The following CCNA2 variants were observed in gnomAD, a reference collection of about 807,000 sequenced individuals.
CCNA2 encodes the protein cyclin-A2.
A neutral mutation model predicts 49.4 loss-of-function variants in CCNA2; 3 were observed. The observed-to-expected ratio is 0.06, with a 90% CI of 0.03 to 0.16. CCNA2 has a LOEUF of 0.16. Among genes scored for constraint, CCNA2 ranks in the 10% least tolerant of loss-of-function variants. CCNA2 has a pLI of 1.00. For synonymous variants in CCNA2, 206 were observed against 197.2 expected (o/e 1.04, Z -0.37); for missense variants, 372 against 519.7 (o/e 0.72, Z 2.76).
intron 2 of CCNA2, among the ~76,000 whole-genome samples, chr4:121,821,391 G>A (rs1724689482): frequency 1.3e-5 from 2 of 151,770 alleles, no homozygotes; most frequent in Admixed American, 6.6e-5. Flanking sequence ...ACAGAAAGGA[G>A]CAAATGGCAT....
At position 121,820,122 on chromosome 4, in the gene CCNA2, G is replaced by A. The variant is rs1023112000; in HGVS notation, c.794+420C>T. Among the ~76,000 whole-genome samples, 1 of 151,764 alleles carries A rather than the reference G, an allele frequency of 6.6e-6. No individual in the cohort carries two copies. Among genetic ancestry groups the A allele is most frequent in the African/African-American group, 2.4e-5 (1 of 41,354 alleles). ...TGCCCAGCTAATTTTTGTATTTTTA[G>A]TAGAGACAGGGTTTCGCCATGATGG... On this transcript the variant is annotated intron_variant, in intron 4 of 7. Coordinates refer to ENST00000274026, the MANE Select transcript of CCNA2 (RefSeq NM_001237.5). This position sits in a 1 kb window ranked among gnomAD's most constrained non-coding sequence, Gnocchi z 4.1.
At chr4:121,819,886 A>G (rs1274941557) in intron 4 of CCNA2, among the ~76,000 whole-genome samples, 1 of 151,936 alleles carries the variant, frequency 6.6e-6, no homozygotes, top group Non-Finnish European at 1.5e-5. Flanking sequence ...TAGGAAATAC[A>G]AGTCTTAGGA....
At position 121,820,877 on chromosome 4, in the gene CCNA2, T is replaced by C. The variant is rs2149042766; in HGVS notation, c.570+102A>G. On this transcript the variant is annotated intron_variant, in intron 3 of 7. Transcript: ENST00000274026. This position sits in a 1 kb window ranked among gnomAD's most constrained non-coding sequence, Gnocchi z 4.1. ...CATGCTATAAACTTAACTGTAGCATTAGAATAATTCATTAGTTTAAAAATT... is the reference window on the plus strand; with the variant it reads ...CATGCTATAAACTTAACTGTAGCATCAGAATAATTCATTAGTTTAAAAATT... 7.9e-7 allele frequency: 1 copy of C among 1,264,966 alleles called. No homozygotes were observed. The highest frequency in any genetic ancestry group is 1.1e-6 in the Non-Finnish European group (1 of 887,712). 78.4% of individuals were successfully genotyped at this position (1,264,966 alleles called of 1,614,324 possible).
chr4:121,818,726 G>T, intron 6 of CCNA2, 74 bp downstream of exon 6: 2 of 951,122 alleles, frequency 2.1e-6, no homozygotes, highest in Non-Finnish European at 3.4e-6. Context: ...CCTCAGTTTT[G>T]TAGGACAATT....
In CCNA2 at chr4:121,816,835, AAAG is replaced by A. The variant is rs745543259; in HGVS notation, c.*800_*802del. Reference sequence around the variant, plus strand: ...GTAAAAAGCCAGTGAAAAGAAGAAAAAAGAAGAGAGCTGCCAATTAAAGCTAAC... The same window carrying A: ...GTAAAAAGCCAGTGAAAAGAAGAAAAAAGAGAGCTGCCAATTAAAGCTAAC... On this transcript the variant is annotated 3_prime_UTR_variant, in exon 8 of 8. Transcript: ENST00000274026. The A allele has an allele frequency of 2.4e-5, 39 of 1,596,300 alleles. No homozygotes were observed. The African/African-American group carries it at 2.7e-4, about 11-fold the overall frequency.
At position 121,823,727 on chromosome 4, in the gene CCNA2, C is replaced by A; in HGVS notation, c.-99G>T. 2 of 1,451,888 alleles carry A rather than the reference C, an allele frequency of 1.4e-6. No homozygotes were observed. Among genetic ancestry groups the A allele is most frequent in the South Asian group, 2.8e-5 (2 of 70,410 alleles). The allele number at this position is 1,451,888 out of a possible 1,614,324, so 89.9% of individuals were successfully genotyped here. A position where few individuals can be genotyped will look rare whatever the true frequency, so the allele number is the denominator to read the frequency against. On this transcript the variant is annotated 5_prime_UTR_variant, in exon 1 of 8. Coordinates refer to ENST00000274026, the MANE Select transcript of CCNA2 (RefSeq NM_001237.5). ...CGCACCGACCCGGCCAAAGAATAGT[C>A]GTAGCCGCCGGTCGCAGCCCAGGCC...
chr4:121,822,495 C>T lies in CCNA2; in HGVS notation c.365G>A (p.Arg122His), dbSNP rs779119584. The T allele has an allele frequency of 2.5e-6, 4 of 1,614,016 alleles. No homozygotes were observed. The highest frequency in any genetic ancestry group is 1.7e-5 in the Admixed American group (1 of 60,000). ...TGAATTAAAAGCCAGGGCATCTTCA[C>T]GCTCTATTTTTTGAGATTCAGCTGG... ...KKPAESQKIEREDALAFNSAI... is the reference protein window; with the variant it reads ...KKPAESQKIEHEDALAFNSAI... Residue 122 changes from arginine (R) to histidine (H), a missense_variant, in exon 2 of 8, where the codon CGT becomes CAT. Coordinates refer to ENST00000274026, the MANE Select transcript of CCNA2 (RefSeq NM_001237.5).
intron 1 of CCNA2, 145 bp downstream of exon 1, chr4:121,823,271 C>G (rs554546961): frequency 2.0e-6 from 2 of 1,024,576 alleles, no homozygotes; most frequent in Non-Finnish European, 2.8e-6. Flanking sequence ...CTGTGGCAAA[C>G]CACACACCAG....
chr4:121,820,406 AG>A lies in CCNA2; in HGVS notation c.794+135del. The A allele has an allele frequency of 3.2e-6, 2 of 627,442 alleles. No homozygotes were observed. The highest frequency in any genetic ancestry group is 4.2e-5 in the South Asian group (2 of 48,002). The allele number at this position is 627,442 out of a possible 1,614,324, so 38.9% of individuals were successfully genotyped here. ...AGTTTCATCCTCCTCCACTGCCCTA[AG>A]CCCCAGCACATTGCCATCCCTAAAG... On this transcript the variant is annotated intron_variant, in intron 4 of 7. Coordinates refer to ENST00000274026, the MANE Select transcript of CCNA2 (RefSeq NM_001237.5). This position sits in a 1 kb window ranked among gnomAD's most constrained non-coding sequence, Gnocchi z 4.1.
chr4:121,823,182 G>A (rs1263854869), intron 1 of CCNA2, among the ~76,000 whole-genome samples: 1 of 152,146 alleles, frequency 6.6e-6, no homozygotes. Context: ...TGTACAGGCA[G>A]ATGCCCCCTA....
rs3217759 is a variant in CCNA2, at chr4:121,823,750, GC to G, written c.-123del. 9.9e-4 allele frequency: 1,431 copies of G among 1,439,612 alleles called. 14 individuals carry two copies. The African/African-American group carries it at 0.018, about 19-fold the overall frequency. 89.2% of individuals were successfully genotyped at this position (1,439,612 alleles called of 1,614,324 possible). On this transcript the variant is annotated 5_prime_UTR_variant, in exon 1 of 8. Transcript: ENST00000274026. ...GTCGTAGCCGCCGGTCGCAGCCCAG[GC>G]CAGCCTACCAGCCCGCCCGCTCGCT...
Position 121,817,634 on chromosome 4 carries a change from A to G in CCNA2, c.*4T>C. 3 of 1,613,940 alleles carry G rather than the reference A, an allele frequency of 1.9e-6. No individual in the cohort carries two copies. Among genetic ancestry groups the G allele is most frequent in the Non-Finnish European group, 2.5e-6 (3 of 1,179,898 alleles). ...TCTTAGAAAACAAAGGCAGTCTTTC[A>G]TTGTTACAGATTTAGTGTCTCTGGT... On this transcript the variant is annotated 3_prime_UTR_variant, in exon 8 of 8. Coordinates refer to ENST00000274026, the MANE Select transcript of CCNA2 (RefSeq NM_001237.5).
At chr4:121,817,825 GTC>G in intron 7 of CCNA2, 139 bp from the exon 8 acceptor site, 1 of 1,267,398 alleles carries the variant, frequency 7.9e-7, no homozygotes, top group Non-Finnish European at 1.1e-6. Flanking sequence ...TAGAAACACT[GTC>G]TGGTCCCTGA....
In CCNA2 at chr4:121,816,818, C is replaced by A; in HGVS notation, c.*820G>T. On this transcript the variant is annotated 3_prime_UTR_variant, in exon 8 of 8. Coordinates refer to ENST00000274026, the MANE Select transcript of CCNA2 (RefSeq NM_001237.5). Reference sequence around the variant, plus strand: ...ACAAGAAAAAGCACCAAGTAAAAAGCCAGTGAAAAGAAGAAAAAAGAAGAG... The same window carrying A: ...ACAAGAAAAAGCACCAAGTAAAAAGACAGTGAAAAGAAGAAAAAAGAAGAG... 1.3e-6 allele frequency: 2 copies of A among 1,599,948 alleles called. No individual in the cohort carries two copies. The highest frequency in any genetic ancestry group is 1.7e-5 in the Admixed American group (1 of 58,572).
rs780269767 is a variant in CCNA2, at chr4:121,819,546, T to C, written c.828A>G (p.Ala276=). 12 of 1,613,848 alleles carry C rather than the reference T, an allele frequency of 7.4e-6. No individual in the cohort carries two copies. The Admixed American group carries it at 2.0e-4, about 27-fold the overall frequency. ...KFEEIYPPEV[A]EFVYITDDTY... ...TATCATCTGTAATGTACACAAACTC[T>C]GCTACTTCTGGGGGGTATATTTCTT... Residue 276 remains alanine, a synonymous_variant, in exon 5 of 8, where the codon GCA becomes GCG. Coordinates refer to ENST00000274026, the MANE Select transcript of CCNA2 (RefSeq NM_001237.5).
intron 1 of CCNA2, among the ~76,000 whole-genome samples, chr4:121,822,919 G>GA (rs1190396710): frequency 1.3e-5 from 2 of 152,178 alleles, no homozygotes; most frequent in Non-Finnish European, 2.9e-5. Context: ...ACAAGTTTAG[G>GA]AAAGACAGCA....
At position 121,820,873 on chromosome 4, in the gene CCNA2, G is replaced by C; in HGVS notation, c.570+106C>G. 8.0e-7 allele frequency: 1 copy of C among 1,251,946 alleles called. No homozygotes were observed. The highest frequency in any genetic ancestry group is 1.1e-6 in the Non-Finnish European group (1 of 877,778). 77.6% of individuals were successfully genotyped at this position (1,251,946 alleles called of 1,614,324 possible). A position where few individuals can be genotyped will look rare whatever the true frequency, so the allele number is the denominator to read the frequency against. ...GCTACATGCTATAAACTTAACTGTAGCATTAGAATAATTCATTAGTTTAAA... is the reference window on the plus strand; with the variant it reads ...GCTACATGCTATAAACTTAACTGTACCATTAGAATAATTCATTAGTTTAAA... On this transcript the variant is annotated intron_variant, in intron 3 of 7. Transcript: ENST00000274026. This position sits in a 1 kb window ranked among gnomAD's most constrained non-coding sequence, Gnocchi z 4.1.
intron 1 of CCNA2, among the ~76,000 whole-genome samples, chr4:121,823,158 G>A (rs182402802): frequency 6.6e-6 from 1 of 152,144 alleles, no homozygotes; most frequent in African/African-American, 2.4e-5. Flanking sequence ...TTAGAGCTTG[G>A]TTTGACCCCA....
Position 121,822,665 on chromosome 4 carries a change from C to G in CCNA2, c.214-19G>C. On this transcript the variant is annotated intron_variant, in intron 1 of 7. Coordinates refer to ENST00000274026, the MANE Select transcript of CCNA2 (RefSeq NM_001237.5). ...GTGCAACCTAAAAAAAAATTAATAA[C>G]TGGCTTTGAGCCTACTAGTCTTGCA... is the stretch of plus-strand genomic sequence containing the variant. 1 of 1,609,144 alleles carries G rather than the reference C, an allele frequency of 6.2e-7. No individual in the cohort carries two copies. Among genetic ancestry groups the G allele is most frequent in the Non-Finnish European group, 8.5e-7 (1 of 1,177,938 alleles).
Sources: allele counts gnomAD v4.1 joint callset (sites outside exome capture counted in the v4.1 genomes callset), GRCh38; gene constraint gnomAD v4.1.1; non-coding constraint Gnocchi (gnomAD v3.1); transcripts MANE v1.5; gene names NCBI Gene and HGNC (gene_info 2026-07-23, HGNC 2026-07-21).